HS3ST2: variants seen among roughly 807,000 people sequenced by gnomAD.
HS3ST2 encodes the protein heparan sulfate-glucosamine 3-sulfotransferase 2.
HS3ST2 carries 17 observed loss-of-function variants against 26.3 expected under a neutral mutation model. The observed-to-expected ratio is 0.65, with a 90% CI of 0.44 to 0.97. The LOEUF (loss-of-function observed/expected upper bound fraction) is 0.97, where lower values mean the gene tolerates loss of function less well. Among genes scored for constraint, HS3ST2 ranks in the 50% least tolerant of loss-of-function variants. The pLI is 0.00. For synonymous variants in HS3ST2, 237 were observed against 219.2 expected (o/e 1.08, Z -0.72); for missense variants, 402 against 501.2 (o/e 0.80, Z 1.89).
At chr16:22,866,415 G>T (rs1206382812) in intron 1 of HS3ST2, among the ~76,000 whole-genome samples, 5 of 150,880 alleles carry the variant, frequency 3.3e-5, no homozygotes, top group African/African-American at 1.2e-4. Context: ...TGTTGGGGCA[G>T]AGGAAGGGTT....
chr16:22,898,971 C>A (rs1242650883), intron 1 of HS3ST2, among the ~76,000 whole-genome samples: 1 of 152,158 alleles, frequency 6.6e-6, no homozygotes, highest in East Asian at 1.9e-4. Flanking sequence ...TGGCTCCAAC[C>A]ACTGCAATTG....
chr16:22,900,960 G>A (rs1902275232), intron 1 of HS3ST2, among the ~76,000 whole-genome samples: 1 of 152,176 alleles, frequency 6.6e-6, no homozygotes, highest in Non-Finnish European at 1.5e-5. Flanking sequence ...ACTGTCGCAG[G>A]AGCAGGTGAA....
Position 22,814,624 on chromosome 16 carries a change from T to C in HS3ST2, c.14T>C (p.Val5Ala). 4 of 1,548,520 alleles carry C rather than the reference T, an allele frequency of 2.6e-6. No individual in the cohort carries two copies. The highest frequency in any genetic ancestry group is 3.5e-6 in the Non-Finnish European group (4 of 1,147,716). The change falls in exon 1 of 2, where the codon GTC becomes GCC. Residue 5 changes from valine to alanine, a missense_variant. This residue lies in a region of HS3ST2 where 165 missense variants were observed against 154.6 expected (regional missense o/e 1.07). Coordinates refer to ENST00000261374, the MANE Select transcript of HS3ST2 (RefSeq NM_006043.2). ...GCCCATGGAGCCATGGCCTATAGGG[T>C]CCTGGGCCGCGCGGGGCCACCTCAG... MAYR[V>A]LGRAGPPQPR...
At position 22,901,951 on chromosome 16, in the gene HS3ST2, G is replaced by A. The variant is rs187907114; in HGVS notation, c.486-12993G>A. On this transcript the variant is annotated intron_variant, in intron 1 of 1. Transcript: ENST00000261374. ...TCATGGCAAAGAGAAAAATAAATCC[G>A]AATGCAAAAAGCTAAAGGTGAAAAC... Among the ~76,000 whole-genome samples, 6 of 152,006 alleles carry A rather than the reference G, an allele frequency of 3.9e-5. No homozygotes were observed. In the East Asian group the frequency reaches 9.7e-4, roughly 25 times the overall value.
rs1489223344 is a variant in HS3ST2 at position 22,914,763 on chromosome 16, A to AAAAAAAAAAAAAAG, written c.486-180_486-179insAAAAAAAAAAAAGA. ...AAAAAAAAAAAAAAAAAAAAAAAAA[A>AAAAAAAAAAAAAAG]AGAGAAGAAAAGAAAATCAACAAGA... On this transcript the variant is annotated intron_variant, in intron 1 of 1. Coordinates refer to ENST00000261374, the MANE Select transcript of HS3ST2 (RefSeq NM_006043.2). Among the ~76,000 whole-genome samples the AAAAAAAAAAAAAAG allele has an allele frequency of 8.4e-5, 10 of 118,778 alleles. 1 individual carries two copies. Among genetic ancestry groups the AAAAAAAAAAAAAAG allele is most frequent in the African/African-American group, 3.0e-4 (8 of 26,702 alleles). 77.9% of individuals were successfully genotyped at this position (118,778 alleles called of 152,430 possible). A position where few individuals can be genotyped will look rare whatever the true frequency, so the allele number is the denominator to read the frequency against.
At chr16:22,833,411 G>T in intron 1 of HS3ST2, 1 of 437,926 alleles carries the variant, frequency 2.3e-6, no homozygotes, top group Non-Finnish European at 4.6e-6. Context: ...CAGCAGCAAT[G>T]ACCCAGGAGC....
At chr16:22,818,759 T>TCCTTCCTTCCCTCCTTCCTTCCTTCCCTC (rs1900919494) in intron 1 of HS3ST2, among the ~76,000 whole-genome samples, 1 of 41,382 alleles carries the variant, frequency 2.4e-5, no homozygotes, top group Non-Finnish European at 4.3e-5. Context: ...CTTCCTTCCT[T>TCCTTCCTTCCCTCCTTCCTTCCTTCCCTC]CATTCCTTCC....
chr16:22,855,688 G>GTC (rs1354473297), intron 1 of HS3ST2, among the ~76,000 whole-genome samples: 3 of 95,816 alleles, frequency 3.1e-5, no homozygotes, highest in African/African-American at 1.3e-4. Flanking sequence ...CTGTCTCTCT[G>GTC]TCTCTCTGTC....
At chr16:22,888,562 A>G (rs1014675741) in intron 1 of HS3ST2, among the ~76,000 whole-genome samples, 1 of 151,222 alleles carries the variant, frequency 6.6e-6, no homozygotes, top group African/African-American at 2.4e-5. Flanking sequence ...AATTTTTTGT[A>G]TTTTTATTAG....
chr16:22,814,601 C>T lies in HS3ST2; in HGVS notation c.-10C>T. 1.3e-6 allele frequency: 2 copies of T among 1,522,054 alleles called. No homozygotes were observed. Among genetic ancestry groups the T allele is most frequent in the Non-Finnish European group, 1.8e-6 (2 of 1,137,420 alleles). The allele number at this position is 1,522,054 out of a possible 1,614,324, so 94.3% of individuals were successfully genotyped here. ...GGAAACCATGACCCCCGGCGCGGGC[C>T]CATGGAGCCATGGCCTATAGGGTCC... is the stretch of plus-strand genomic sequence containing the variant. On this transcript the variant is annotated 5_prime_UTR_variant, in exon 1 of 2. Coordinates refer to ENST00000261374, the MANE Select transcript of HS3ST2 (RefSeq NM_006043.2).
intron 1 of HS3ST2, among the ~76,000 whole-genome samples, chr16:22,839,742 T>A (rs1901325984): frequency 6.6e-6 from 1 of 152,168 alleles, no homozygotes; most frequent in South Asian, 2.1e-4. Flanking sequence ...CTTACCCTCG[T>A]TTTGCTCATA....
intron 1 of HS3ST2, among the ~76,000 whole-genome samples, chr16:22,876,451 A>G (rs749386282): frequency 5.3e-5 from 8 of 152,334 alleles, no homozygotes; most frequent in Admixed American, 6.5e-5. Flanking sequence ...AAAATAAAAC[A>G]TAATAGATAT....
chr16:22,865,080 G>GA (rs1228586254), intron 1 of HS3ST2, among the ~76,000 whole-genome samples: 1 of 134,284 alleles, frequency 7.4e-6, no homozygotes, highest in Non-Finnish European at 1.6e-5. Context: ...AAGAGGAAAA[G>GA]AAAAAACCCT....
chr16:22,872,921 G>A (rs902843118), intron 1 of HS3ST2, among the ~76,000 whole-genome samples: 4 of 152,194 alleles, frequency 2.6e-5, no homozygotes, highest in African/African-American at 9.7e-5. Context: ...GGCTGAAAGT[G>A]TAGGCTCTGG....
chr16:22,858,677 T>G (rs1555512960), intron 1 of HS3ST2, among the ~76,000 whole-genome samples: 1 of 152,096 alleles, frequency 6.6e-6, no homozygotes, highest in Non-Finnish European at 1.5e-5. Flanking sequence ...AGGGTTCAAG[T>G]CCCAGCTTTG....
At chr16:22,843,948 T>C (rs1901395412) in intron 1 of HS3ST2, among the ~76,000 whole-genome samples, 1 of 152,022 alleles carries the variant, frequency 6.6e-6, no homozygotes, top group Admixed American at 6.5e-5. Flanking sequence ...CCCAACATTA[T>C]AACAAAAGAC....
intron 1 of HS3ST2, among the ~76,000 whole-genome samples, chr16:22,884,313 G>A (rs1902030988): frequency 6.6e-6 from 1 of 152,122 alleles, no homozygotes; most frequent in Non-Finnish European, 1.5e-5. Context: ...GGAATAGACA[G>A]GTTAAATAAT....
chr16:22,858,191 G>T (rs372813483), intron 1 of HS3ST2, among the ~76,000 whole-genome samples: 63 of 152,052 alleles, frequency 4.1e-4, no homozygotes, highest in African/African-American at 1.4e-3. Context: ...AACGAAAATT[G>T]TATAATTGGA....
chr16:22,865,071 A>ATG, intron 1 of HS3ST2, among the ~76,000 whole-genome samples: 1 of 145,432 alleles, frequency 6.9e-6, no homozygotes, highest in South Asian at 2.2e-4. Context: ...AAAAAAAAAA[A>ATG]GAGGAAAAGA....
Sources: gnomAD v4.1 joint callset for allele counts (sites outside exome capture counted in the v4.1 genomes callset) on GRCh38, gnomAD v4.1.1 for gene constraint, gnomAD v4.1.1 regional missense constraint, MANE v1.5 for transcripts, NCBI Gene and HGNC (gene_info 2026-07-23, HGNC 2026-07-21) for gene names.